Variants in JARID2 observed in about 807,000 individuals in gnomAD.
The protein encoded by JARID2 is protein Jumonji.
JARID2 carries 21 observed loss-of-function variants against 125.6 expected under a neutral mutation model. That is an observed-to-expected ratio of 0.17 (90% confidence interval 0.12 to 0.24). The LOEUF is 0.24. Ranked by LOEUF, JARID2 falls within the 10% of genes least tolerant of loss-of-function variation. The pLI is 1.00. For missense variants in JARID2, 1,303 were observed against 1,639.6 expected, an observed-to-expected ratio of 0.79 and a Z score of 3.55; for synonymous variants, 736 against 661.6, an observed-to-expected ratio of 1.11 and a Z score of -1.73.
chr6:15,336,418 A>G (rs1210741605), intron 1 of JARID2, among the ~76,000 whole-genome samples: 1 of 152,248 alleles, frequency 6.6e-6, no homozygotes, highest in Non-Finnish European at 1.5e-5. Context: ...CAAACTCAAA[A>G]AGTAATGCTT....
intron 1 of JARID2, among the ~76,000 whole-genome samples, chr6:15,326,565 G>A (rs1047722673): frequency 1.3e-5 from 2 of 152,022 alleles, no homozygotes; most frequent in African/African-American, 2.4e-5. Context: ...GCAGTGGCTC[G>A]ATCTTCGCTC....
At chr6:15,283,270 G>T (rs568063408) in intron 1 of JARID2, among the ~76,000 whole-genome samples, 3 of 149,668 alleles carry the variant, frequency 2.0e-5, no homozygotes, top group East Asian at 2.0e-4. Context: ...GAGCCACTGC[G>T]CCCGGCCGTT....
intron 8 of JARID2, among the ~76,000 whole-genome samples, 166 bp from the exon 9 acceptor site, chr6:15,504,334 T>TA (rs1225164355): frequency 1.3e-5 from 2 of 152,346 alleles, no homozygotes; most frequent in Admixed American, 6.5e-5. Flanking sequence ...TGCGGGTTCT[T>TA]AGAGAATATA....
At chr6:15,319,828 G>T (rs2127438678) in intron 1 of JARID2, among the ~76,000 whole-genome samples, 1 of 152,318 alleles carries the variant, frequency 6.6e-6, no homozygotes, top group East Asian at 1.9e-4. Flanking sequence ...AATTAAAATA[G>T]TGGTGGGTAC....
At chr6:15,438,702 C>A (rs1319520988) in intron 3 of JARID2, among the ~76,000 whole-genome samples, 1 of 152,132 alleles carries the variant, frequency 6.6e-6, no homozygotes, top group Non-Finnish European at 1.5e-5. Flanking sequence ...AAGCAGTTTC[C>A]CTCCACAGTA....
chr6:15,324,787 C>G (rs1260052940), intron 1 of JARID2, among the ~76,000 whole-genome samples: 1 of 151,530 alleles, frequency 6.6e-6, no homozygotes, highest in Non-Finnish European at 1.5e-5. Flanking sequence ...CCGCTCCCGC[C>G]AACTGCTTTT....
intron 12 of JARID2, among the ~76,000 whole-genome samples, chr6:15,509,941 C>T (rs1387321135): frequency 1.3e-5 from 2 of 152,136 alleles, no homozygotes; most frequent in Non-Finnish European, 2.9e-5. Flanking sequence ...AGGTTAGAAA[C>T]CCTGTATTTA....
intron 1 of JARID2, among the ~76,000 whole-genome samples, chr6:15,343,300 A>G (rs1160891469): frequency 1.3e-5 from 2 of 151,996 alleles, no homozygotes; most frequent in African/African-American, 4.8e-5. Context: ...TAAAAAAAAA[A>G]AAAAGCTCAT....
chr6:15,254,025 G>T (rs1389223411), intron 1 of JARID2, among the ~76,000 whole-genome samples: 1 of 152,198 alleles, frequency 6.6e-6, no homozygotes, highest in Non-Finnish European at 1.5e-5. Context: ...GGGACTGTTG[G>T]CAGCCTTTGG....
chr6:15,386,206 T>C (rs978060769), intron 2 of JARID2, among the ~76,000 whole-genome samples: 5 of 152,094 alleles, frequency 3.3e-5, no homozygotes, highest in Admixed American at 6.5e-5. Context: ...GCCCAGGTCT[T>C]CTGACTCCAG....
intron 3 of JARID2, among the ~76,000 whole-genome samples, chr6:15,413,061 C>T (rs1459347576): frequency 1.7e-5 from 2 of 116,498 alleles, no homozygotes; most frequent in African/African-American, 3.3e-5. Flanking sequence ...CCTTTGTTGC[C>T]CAGGCTGCAG....
intron 1 of JARID2, among the ~76,000 whole-genome samples, chr6:15,248,359 CG>C (rs1218554245): frequency 7.9e-6 from 1 of 125,978 alleles, no homozygotes; most frequent in Non-Finnish European, 1.7e-5. Context: ...GGCTTGCAGG[CG>C]GGCAGGAGGG....
chr6:15,512,905 C>T lies in JARID2; in HGVS notation c.3136-10C>T, dbSNP rs1262211934. The T allele has an allele frequency of 3.7e-6, 6 of 1,613,354 alleles. No individual in the cohort carries two copies. Among genetic ancestry groups the T allele is most frequent in the Non-Finnish European group, 4.2e-6 (5 of 1,179,790 alleles). On this transcript the variant is annotated splice_polypyrimidine_tract_variant and intron_variant, in intron 14 of 17. Transcript: ENST00000341776. The stretch of plus-strand genomic sequence containing the variant: ...AAATCCACCCTAAAGGGATGTGACT[C>T]CTCTTTCAGGAAATGAAGCGTCGCC...
At chr6:15,395,055 C>T (rs578105163) in intron 2 of JARID2, among the ~76,000 whole-genome samples, 1 of 151,982 alleles carries the variant, frequency 6.6e-6, no homozygotes, top group African/African-American at 2.4e-5. Flanking sequence ...TTGTATTAAC[C>T]AACAAACTAA....
chr6:15,355,250 A>G (rs1763558485), intron 1 of JARID2, among the ~76,000 whole-genome samples: 1 of 152,152 alleles, frequency 6.6e-6, no homozygotes, highest in South Asian at 2.1e-4. Context: ...CTTTGTTAGA[A>G]ATTGTCAATG....
intron 1 of JARID2, among the ~76,000 whole-genome samples, chr6:15,255,188 G>A (rs1405961937): frequency 7.2e-6 from 1 of 139,446 alleles, no homozygotes; most frequent in Non-Finnish European, 1.5e-5. Flanking sequence ...TTGCCAGGCT[G>A]GAGTACAGTG....
chr6:15,321,140 A>T (rs1437255204), intron 1 of JARID2, among the ~76,000 whole-genome samples: 1 of 152,204 alleles, frequency 6.6e-6, no homozygotes, highest in African/African-American at 2.4e-5. Flanking sequence ...AGAATTCAAC[A>T]GTCTGATTAC....
rs773148441 is a variant in JARID2 at position 15,496,090 on chromosome 6, A to C, written c.907-42A>C. 11 of 1,534,244 alleles carry C rather than the reference A, an allele frequency of 7.2e-6. No homozygotes were observed. The Admixed American group carries it at 9.0e-5, about 13-fold the overall frequency. On this transcript the variant is annotated intron_variant, in intron 6 of 17. Transcript: ENST00000341776. ...GCCGGTCATTTTAGTGGCAGGTACT[A>C]ATTCTGCGTTTTTTTCCACCTCTGC...
At chr6:15,267,048 G>A (rs995699220) in intron 1 of JARID2, among the ~76,000 whole-genome samples, 1 of 152,196 alleles carries the variant, frequency 6.6e-6, no homozygotes, top group Non-Finnish European at 1.5e-5. Context: ...CTGTATATTA[G>A]TATTGCTTCT....
Sources: gnomAD v4.1 joint callset for allele counts (sites outside exome capture counted in the v4.1 genomes callset) on GRCh38, gnomAD v4.1.1 for gene constraint, MANE v1.5 for transcripts, NCBI Gene and HGNC (gene_info 2026-07-23, HGNC 2026-07-21) for gene names.